The following NOD2 variants were observed in gnomAD, a reference collection of about 807,000 sequenced individuals.
The protein encoded by NOD2 is nucleotide-binding oligomerization domain-containing protein 2.
A neutral mutation model predicts 90.9 loss-of-function variants in NOD2; 86 were observed. That is an observed-to-expected ratio of 0.95 (90% CI 0.79 to 1.13). The LOEUF (loss-of-function observed/expected upper bound fraction) is 1.13, where lower values mean the gene tolerates loss of function less well. NOD2 is among the 50% of genes most tolerant of loss of function. The pLI, the probability that NOD2 is intolerant of heterozygous loss-of-function variation, is 0.00. For missense variants in NOD2, 1,238 were observed against 1,283.8 expected, an observed-to-expected ratio of 0.96 and a Z score of 0.55; for synonymous variants, 581 against 554.6, an observed-to-expected ratio of 1.05 and a Z score of -0.67.
chr16:50,720,276 T>A (rs1001222786), intron 7 of NOD2, among the ~76,000 whole-genome samples: 1 of 152,204 alleles, frequency 6.6e-6, no homozygotes, highest in African/African-American at 2.4e-5. Context: ...CAGGGGGCGC[T>A]AGGGCTGTAC....
intron 11 of NOD2, among the ~76,000 whole-genome samples, chr16:50,730,423 G>C (rs1382236462): frequency 6.6e-6 from 1 of 152,198 alleles, no homozygotes; most frequent in Non-Finnish European, 1.5e-5. Context: ...TTGGGAGTCT[G>C]GGCAGCTGGG....
At chr16:50,703,783 GC>G (rs1312030883) in intron 2 of NOD2, among the ~76,000 whole-genome samples, 1 of 152,098 alleles carries the variant, frequency 6.6e-6, no homozygotes, top group African/African-American at 2.4e-5. Flanking sequence ...ACTTGGTCTG[GC>G]TTTTCCTTCC....
At chr16:50,702,185 C>T (rs1451645579) in intron 2 of NOD2, among the ~76,000 whole-genome samples, 2 of 152,184 alleles carry the variant, frequency 1.3e-5, no homozygotes, top group African/African-American at 4.8e-5. Context: ...CCTCCTCCCT[C>T]GGCTTCCCAA....
In NOD2 at chr16:50,710,830, A is replaced by T. The variant is rs1242909771; in HGVS notation, c.838A>T (p.Thr280Ser). The change falls in exon 4 of 12, where the codon ACG (threonine) becomes TCG (serine). Residue 280 changes from threonine (T) to serine (S), a missense_variant. Transcript: ENST00000647318. ...VVGEAGSGKS[T>S]LLQRLHLLWA... ...GGGTGAGGCGGGCAGTGGCAAGAGCACGCTCCTGCAGCGGCTGCACTTGCT... is the reference window on the plus strand; with the variant it reads ...GGGTGAGGCGGGCAGTGGCAAGAGCTCGCTCCTGCAGCGGCTGCACTTGCT... 1 of 1,614,062 alleles carries T rather than the reference A, an allele frequency of 6.2e-7. No individual in the cohort carries two copies. The highest frequency in any genetic ancestry group is 2.2e-5 in the East Asian group (1 of 44,872).
At chr16:50,716,856 T>C (rs1156542016) in intron 5 of NOD2, 35 bp from the exon 6 acceptor site, 2 of 1,603,744 alleles carry the variant, frequency 1.2e-6, no homozygotes, top group Non-Finnish European at 1.7e-6. Flanking sequence ...CAATGTGCTT[T>C]GCTTCTGTGT....
chr16:50,701,068 C>A (rs1567382177), intron 2 of NOD2, among the ~76,000 whole-genome samples: 2 of 152,064 alleles, frequency 1.3e-5, no homozygotes, highest in South Asian at 4.2e-4. Flanking sequence ...AAGTTGAGAC[C>A]AAGGAAAGTA....
chr16:50,723,418 G>A, intron 9 of NOD2, 34 bp downstream of exon 9: 1 of 1,589,370 alleles, frequency 6.3e-7, no homozygotes. Flanking sequence ...CTGGGGAAGT[G>A]GATCACAATC....
chr16:50,700,043 G>C, intron 2 of NOD2, 89 bp downstream of exon 2: 2 of 1,274,902 alleles, frequency 1.6e-6, no homozygotes, highest in Non-Finnish European at 2.2e-6. Context: ...GTCAGCCTGT[G>C]GGGTAACTTG....
At chr16:50,724,656 A>T (rs1263713929) in intron 9 of NOD2, among the ~76,000 whole-genome samples, 1 of 152,204 alleles carries the variant, frequency 6.6e-6, no homozygotes, top group African/African-American at 2.4e-5. Context: ...TGATTGGCTA[A>T]GACTTAGCTG....
intron 3 of NOD2, chr16:50,709,842 T>G (rs1030369765): frequency 2.4e-6 from 1 of 423,002 alleles, no homozygotes; most frequent in Non-Finnish European, 4.8e-6. Flanking sequence ...ATAAGCACCA[T>G]TTTTTGAGAG....
intron 11 of NOD2, among the ~76,000 whole-genome samples, chr16:50,730,726 A>C (rs1041747530): frequency 9.2e-5 from 14 of 152,204 alleles, no homozygotes; most frequent in African/African-American, 3.1e-4. Flanking sequence ...GAGTCTTCTC[A>C]GATGGGCAAA....
At chr16:50,727,525 G>T in intron 10 of NOD2, 1 of 249,672 alleles carries the variant, frequency 4.0e-6, no homozygotes, top group Non-Finnish European at 8.0e-6. Flanking sequence ...TCATGCTTCG[G>T]GATTCAACAA....
intron 11 of NOD2, among the ~76,000 whole-genome samples, chr16:50,730,853 C>T (rs1965429394): frequency 6.6e-6 from 1 of 152,188 alleles, no homozygotes; most frequent in Non-Finnish European, 1.5e-5. Context: ...TGTCTTCTCT[C>T]AAAAAGCACA....
chr16:50,697,407 G>T, intron 1 of NOD2: 1 of 1,189,224 alleles, frequency 8.4e-7, no homozygotes, highest in South Asian at 1.3e-5. Context: ...GGGGTCAGAT[G>T]GGGAGTGCTG....
chr16:50,728,811 C>CT (rs1269869541), intron 10 of NOD2, among the ~76,000 whole-genome samples: 2 of 152,198 alleles, frequency 1.3e-5, no homozygotes, highest in African/African-American at 4.8e-5. Context: ...CCTATCCTGT[C>CT]TCCCCTCCCT....
At chr16:50,719,660 C>G in intron 6 of NOD2, 1 of 610,776 alleles carries the variant, frequency 1.6e-6, no homozygotes, top group South Asian at 1.5e-5. Context: ...CCTCCCAGGA[C>G]AGCTGCCTAC....
At chr16:50,702,603 T>C (rs1963992080) in intron 2 of NOD2, among the ~76,000 whole-genome samples, 1 of 152,242 alleles carries the variant, frequency 6.6e-6, no homozygotes, top group African/African-American at 2.4e-5. Context: ...CAGAAAATGC[T>C]GTGGAATGAA....
intron 6 of NOD2, 43 bp downstream of exon 6, chr16:50,717,017 C>T (rs771181781): frequency 3.8e-6 from 6 of 1,581,350 alleles, no homozygotes; most frequent in South Asian, 3.3e-5. Context: ...TATTTTTTGC[C>T]CCATTCCTGA....
chr16:50,717,264 T>G lies in NOD2; in HGVS notation c.2549+290T>G, dbSNP rs751271. ...TCTAAGAGTGTCACAGCTTTCTGGG[T>G]TTACTGAGTTCCACGATGCATGTTG... On this transcript the variant is annotated intron_variant, in intron 6 of 11. Coordinates refer to ENST00000647318, the MANE Select transcript of NOD2 (RefSeq NM_001370466.1). Among the ~76,000 whole-genome samples, 92,194 of 152,140 alleles carry G rather than the reference T, an allele frequency of 0.61. 28,852 individuals are homozygous for G. The highest frequency in any genetic ancestry group is 0.67 in the Non-Finnish European group (45,666 of 67,998).
Sources: gnomAD v4.1 joint callset for allele counts (sites outside exome capture counted in the v4.1 genomes callset) on GRCh38, gnomAD v4.1.1 for gene constraint, MANE v1.5 for transcripts, NCBI Gene and HGNC (gene_info 2026-07-23, HGNC 2026-07-21) for gene names.